Variants in RUFY2 observed in about 807,000 individuals in gnomAD.
RUFY2 encodes the protein RUN and FYVE domain-containing protein 2.
RUFY2 carries 49 observed loss-of-function variants against 94.4 expected under a neutral mutation model. The ratio of observed to expected loss-of-function variants is 0.52; its 90% CI spans 0.41 to 0.66. RUFY2 has a LOEUF of 0.66. Ranked by LOEUF, RUFY2 falls within the 30% of genes least tolerant of loss-of-function variation. The pLI is 0.00. For missense variants in RUFY2, 541 were observed against 692.8 expected, an observed-to-expected ratio of 0.78 and a Z score of 2.46; for synonymous variants, 255 against 235.7, an observed-to-expected ratio of 1.08 and a Z score of -0.75.
intron 13 of RUFY2, among the ~76,000 whole-genome samples, chr10:68,373,062 G>A (rs2132632801): frequency 6.6e-6 from 1 of 152,244 alleles, no homozygotes; most frequent in Non-Finnish European, 1.5e-5. Flanking sequence ...TGTCTAACAT[G>A]ATTCTCAATA....
intron 2 of RUFY2, among the ~76,000 whole-genome samples, chr10:68,404,406 CAAAAT>C (rs1029590131): frequency 2.0e-5 from 3 of 151,986 alleles, no homozygotes; most frequent in Admixed American, 6.6e-5. Flanking sequence ...TCCTAGAAAA[CAAAAT>C]AATTCAGATT....
At chr10:68,397,210 A>C (rs1159364908) in intron 3 of RUFY2, among the ~76,000 whole-genome samples, 4 of 152,184 alleles carry the variant, frequency 2.6e-5, no homozygotes, top group Non-Finnish European at 4.4e-5. Context: ...TGGTATACAC[A>C]CCTATGCTAT....
At chr10:68,405,714 CT>C in intron 1 of RUFY2, 1 of 983,676 alleles carries the variant, frequency 1.0e-6, no homozygotes, top group Non-Finnish European at 1.2e-6. Context: ...CGTCTACCCT[CT>C]TTCTGTCTGG....
chr10:68,387,699 T>C (rs967526612), intron 7 of RUFY2, among the ~76,000 whole-genome samples: 1 of 150,994 alleles, frequency 6.6e-6, no homozygotes, highest in Non-Finnish European at 1.5e-5. Flanking sequence ...TTCCTAATTG[T>C]GTCACCTTGA....
At chr10:68,401,860 T>C in intron 2 of RUFY2, 123 bp from the exon 3 acceptor site, 2 of 662,894 alleles carry the variant, frequency 3.0e-6, no homozygotes, top group East Asian at 5.6e-5. Context: ...TTTCCTCTTT[T>C]ATCCACTACA....
At chr10:68,371,590 CAAA>C (rs574725100) in intron 13 of RUFY2, among the ~76,000 whole-genome samples, 2 of 107,788 alleles carry the variant, frequency 1.9e-5, no homozygotes. Flanking sequence ...GACTCCGCCT[CAAA>C]AAAAAAAAAA....
intron 11 of RUFY2, among the ~76,000 whole-genome samples, chr10:68,380,056 C>T (rs1018545827): frequency 6.6e-6 from 1 of 151,938 alleles, no homozygotes; most frequent in South Asian, 2.1e-4. Flanking sequence ...GATCTGCCCG[C>T]CTTGGCCTCC....
chr10:68,373,094 C>A (rs1195989230), intron 13 of RUFY2, among the ~76,000 whole-genome samples: 2 of 152,138 alleles, frequency 1.3e-5, no homozygotes, highest in African/African-American at 4.8e-5. Context: ...GATAATTAAG[C>A]AAATTATATT....
intron 12 of RUFY2, chr10:68,378,443 T>G: frequency 1.6e-6 from 2 of 1,289,664 alleles, no homozygotes; most frequent in Non-Finnish European, 2.0e-6. Context: ...GACCAAGAAA[T>G]GTACAGGGTT....
intron 15 of RUFY2, 194 bp from the exon 16 acceptor site, chr10:68,355,595 G>T (rs1436369644): frequency 2.3e-6 from 1 of 433,616 alleles, no homozygotes; most frequent in South Asian, 3.1e-5. Flanking sequence ...AAATATTTTA[G>T]ATTTAAAACT....
chr10:68,373,707 G>A (rs917390098), intron 13 of RUFY2, among the ~76,000 whole-genome samples: 4 of 152,170 alleles, frequency 2.6e-5, no homozygotes, highest in African/African-American at 9.7e-5. Context: ...AGGAATTAGA[G>A]GCTGCAATGA....
At position 68,384,956 on chromosome 10, in the gene RUFY2, T is replaced by C. The variant is rs191419885; in HGVS notation, c.721-804A>G. On this transcript the variant is annotated intron_variant, in intron 8 of 17. Coordinates refer to ENST00000602465, the MANE Select transcript of RUFY2 (RefSeq NM_001330103.2). ...AGTCATGCAAGTTATCATGTGTTCG[T>C]TGGTTTGGAAAAATTAGGCCAATTT... is the stretch of plus-strand genomic sequence containing the variant. 7.0e-4 allele frequency among the ~76,000 whole-genome samples: 107 copies of C among 152,104 alleles called. 1 individual carries two copies. The highest frequency in any genetic ancestry group is 4.2e-4 in the South Asian group (2 of 4,810).
intron 4 of RUFY2, among the ~76,000 whole-genome samples, chr10:68,395,966 G>GA (rs2133110216): frequency 6.6e-6 from 1 of 152,196 alleles, no homozygotes; most frequent in East Asian, 1.9e-4. Context: ...GCCTTGCTTT[G>GA]AAAATCTGTC....
At chr10:68,393,319 TTAAAA>T (rs1273925712) in intron 6 of RUFY2, 116 bp from the exon 7 acceptor site, 3 of 551,848 alleles carry the variant, frequency 5.4e-6, no homozygotes, top group East Asian at 3.1e-5. Context: ...TGTCTTGCCT[TTAAAA>T]TAAAACATAA....
intron 15 of RUFY2, among the ~76,000 whole-genome samples, chr10:68,360,452 T>TA (rs1305714156): frequency 6.8e-6 from 1 of 148,108 alleles, no homozygotes; most frequent in Non-Finnish European, 1.5e-5. Context: ...TTTAAAAAAA[T>TA]AATCTTTCAG....
chr10:68,375,106 C>T (rs2048536455), intron 13 of RUFY2, among the ~76,000 whole-genome samples: 2 of 151,970 alleles, frequency 1.3e-5, no homozygotes, highest in Admixed American at 6.6e-5. Context: ...TAAAAATGTT[C>T]TCAGAAGCTG....
chr10:68,399,831 G>C (rs1461842128), intron 3 of RUFY2, among the ~76,000 whole-genome samples: 3 of 152,162 alleles, frequency 2.0e-5, no homozygotes, highest in African/African-American at 7.2e-5. Context: ...GCCCAGGCTT[G>C]AGTGCAATGG....
intron 3 of RUFY2, among the ~76,000 whole-genome samples, chr10:68,398,084 A>T (rs937254990): frequency 8.2e-5 from 12 of 145,858 alleles, no homozygotes; most frequent in Admixed American, 1.4e-4. Context: ...GCAAGATTGC[A>T]CCATCGCACT....
intron 16 of RUFY2, among the ~76,000 whole-genome samples, chr10:68,349,529 T>G (rs117847358): frequency 0.11 from 16,476 of 151,796 alleles, 1,111 homozygotes; most frequent in South Asian, 0.24. Flanking sequence ...AAAAAATTTT[T>G]TTTTAAAGAA....
Sources: allele counts gnomAD v4.1 joint callset (sites outside exome capture counted in the v4.1 genomes callset), GRCh38; gene constraint gnomAD v4.1.1; transcripts MANE v1.5; gene names NCBI Gene and HGNC (gene_info 2026-07-23, HGNC 2026-07-21).